The following SACS variants were observed in gnomAD, a reference collection of about 807,000 sequenced individuals.
The protein encoded by SACS is sacsin.
SACS carries 197 observed loss-of-function variants against 348.0 expected under a neutral mutation model. The observed-to-expected ratio is 0.57, with a 90% CI of 0.50 to 0.64. The LOEUF is 0.64. Among genes scored for constraint, SACS ranks in the 30% least tolerant of loss-of-function variants. The pLI, the probability that SACS is intolerant of heterozygous loss-of-function variation, is 0.00. For synonymous variants in SACS, 1,985 were observed against 1,910.6 expected, an observed-to-expected ratio of 1.04 and a Z score of -1.02; for missense variants, 4,999 against 5,360.8, an observed-to-expected ratio of 0.93 and a Z score of 2.11.
Position 23,429,345 on chromosome 13 carries a change from A to ATTTTTTT in SACS, c.-502+4263_-502+4269dup, listed in dbSNP as rs536939164. Among the ~76,000 whole-genome samples, 258 of 51,480 alleles carry ATTTTTTT rather than the reference A, an allele frequency of 5.0e-3. 63 individuals carry two copies. The highest frequency in any genetic ancestry group is 6.7e-3 in the Non-Finnish European group (192 of 28,796). The allele number at this position is 51,480 out of a possible 152,430, so 33.8% of individuals were successfully genotyped here. On this transcript the variant is annotated intron_variant, in intron 1 of 9. Transcript: ENST00000382292. ...CTGTGATTCAGTCGTTGAGGTAGGG[A>ATTTTTTT]TTTTTTTTTTTTTTTTTTTTTTTTT...
Position 23,354,663 on chromosome 13 carries a change from A to T in SACS, c.1949T>A (p.Leu650His). Reference sequence around the variant, plus strand: ...TTGGTCAGAAAGCACAAATTCTAGAAGGTGAAGCTTTTCTTCAGCACAGCC... The same window carrying T: ...TTGGTCAGAAAGCACAAATTCTAGATGGTGAAGCTTTTCTTCAGCACAGCC... Reference protein sequence around the residue: ...HLGCAEEKLHLLEFVLSDQAY... With the variant: ...HLGCAEEKLHHLEFVLSDQAY... Residue 650 changes from leucine (L) to histidine (H), a missense_variant, in exon 8 of 10, where the codon CTT (leucine) becomes CAT (histidine). By Grantham distance (99) the Leu-to-His change is moderately conservative. This residue lies in a region of SACS where 3,156 missense variants were observed against 3,380.1 expected (regional missense o/e 0.93). Transcript: ENST00000382292. The T allele has an allele frequency of 6.2e-7, 1 of 1,614,220 alleles. No homozygotes were observed. The highest frequency in any genetic ancestry group is 8.5e-7 in the Non-Finnish European group (1 of 1,180,036).
chr13:23,387,185 C>T (rs967666948), intron 2 of SACS, among the ~76,000 whole-genome samples: 17 of 151,944 alleles, frequency 1.1e-4, no homozygotes, highest in African/African-American at 3.6e-4. Flanking sequence ...GTCGGCCGGG[C>T]GCGGTGGCTC....
At chr13:23,381,121 G>C (rs370976570) in intron 2 of SACS, among the ~76,000 whole-genome samples, 7 of 152,160 alleles carry the variant, frequency 4.6e-5, no homozygotes, top group African/African-American at 1.7e-4. Flanking sequence ...AAAGTTCTTT[G>C]CAAATGCAAG....
Position 23,331,969 on chromosome 13 carries a change from A to T in SACS, c.11907T>A (p.Leu3969=), listed in dbSNP as rs1883506769. 1.2e-6 allele frequency: 2 copies of T among 1,613,972 alleles called. No homozygotes were observed. The highest frequency in any genetic ancestry group is 1.7e-6 in the Non-Finnish European group (2 of 1,179,972). The change falls in exon 10 of 10, where the codon CTT becomes CTA. Residue 3969 remains leucine, a synonymous_variant. Transcript: ENST00000382292. ...GTATACTGCTCAATAATCGAGGTCT[A>T]AGTTTTTGAGGAAAGAGCATTATCA... The part of the protein sequence containing the change: ...TKLIMLFPQK[L]RPRLLSSILE...
intron 1 of SACS, among the ~76,000 whole-genome samples, chr13:23,415,651 C>A (rs889758783): frequency 1.3e-5 from 2 of 152,138 alleles, no homozygotes; most frequent in African/African-American, 4.8e-5. Flanking sequence ...TGATCTTTGG[C>A]CTACTTGTGC....
At position 23,335,686 on chromosome 13, in the gene SACS, C is replaced by T. The variant is rs1593126657; in HGVS notation, c.8190G>A (p.Leu2730=). Residue 2730 remains leucine, a synonymous_variant, in exon 10 of 10, where the codon CTG becomes CTA. Transcript: ENST00000382292. This position sits in a 1 kb window ranked among gnomAD's most constrained non-coding sequence, Gnocchi z 4.7. The part of the protein sequence containing the change: ...DRMVQNLLDK[L]RSDGAELLMF... Reference sequence around the variant, plus strand: ...TTAGAAGTTCTGCCCCATCTGAGCGCAGTTTGTCCAAAAGATTCTGGACCA... The same window carrying T: ...TTAGAAGTTCTGCCCCATCTGAGCGTAGTTTGTCCAAAAGATTCTGGACCA... 3 of 1,613,996 alleles carry T rather than the reference C, an allele frequency of 1.9e-6. No individual in the cohort carries two copies. The highest frequency in any genetic ancestry group is 1.1e-5 in the South Asian group (1 of 91,074).
chr13:23,371,182 G>A lies in SACS; in HGVS notation c.172-17C>T. 1 of 1,522,812 alleles carries A rather than the reference G, an allele frequency of 6.6e-7. No individual in the cohort carries two copies. The highest frequency in any genetic ancestry group is 9.1e-7 in the Non-Finnish European group (1 of 1,100,062). 94.3% of individuals were successfully genotyped at this position (1,522,812 alleles called of 1,614,324 possible). On this transcript the variant is annotated splice_polypyrimidine_tract_variant and intron_variant, in intron 3 of 9. Coordinates refer to ENST00000382292, the MANE Select transcript of SACS (RefSeq NM_014363.6). ...GTCAGATAACTGAAAAAAAGCAAAA[G>A]AAAATGTATGAAAAGCAATACAGTC...
At chr13:23,429,345 ATTTTTTTTTTTTT>A (rs536939164) in intron 1 of SACS, among the ~76,000 whole-genome samples, 179 of 51,470 alleles carry the variant, frequency 3.5e-3, no homozygotes, top group South Asian at 7.6e-3. Flanking sequence ...TGAGGTAGGG[ATTTTTTTTTTTTT>A]TTTTTTTTTT....
At chr13:23,365,121 T>G (rs1324409085) in intron 6 of SACS, 45 bp downstream of exon 6, 3 of 1,224,044 alleles carry the variant, frequency 2.5e-6, no homozygotes, top group African/African-American at 1.5e-5. Context: ...AAAAACTGCC[T>G]GTTAGTGCAT....
At position 23,392,604 on chromosome 13, in the gene SACS, T is replaced by A. The variant is rs78690040; in HGVS notation, c.21-17335A>T. Among the ~76,000 whole-genome samples, 1,194 of 152,302 alleles carry A rather than the reference T, an allele frequency of 7.8e-3. 19 individuals carry two copies. Among genetic ancestry groups the A allele is most frequent in the African/African-American group, 0.028 (1,145 of 41,538 alleles). Reference sequence around the variant, plus strand: ...TGTTCTACATGCAAAATCCCTAACATTATTTCCTCATGATATGAAAAAAGT... The same window carrying A: ...TGTTCTACATGCAAAATCCCTAACAATATTTCCTCATGATATGAAAAAAGT... On this transcript the variant is annotated intron_variant, in intron 2 of 9. Coordinates refer to ENST00000382292, the MANE Select transcript of SACS (RefSeq NM_014363.6).
chr13:23,431,027 T>C (rs1874414310), intron 1 of SACS, among the ~76,000 whole-genome samples: 2 of 152,218 alleles, frequency 1.3e-5, no homozygotes, highest in Admixed American at 1.3e-4. Context: ...TCTCTCCTTT[T>C]ACTAATAAGA....
At chr13:23,357,543 T>G (rs115974571) in intron 7 of SACS, among the ~76,000 whole-genome samples, 2,462 of 152,292 alleles carry the variant, frequency 0.016, 62 homozygotes, top group African/African-American at 0.056. Flanking sequence ...TGTCCCAGTA[T>G]GAATAATAAA....
chr13:23,365,754 C>T (rs1206949896), intron 5 of SACS, among the ~76,000 whole-genome samples: 1 of 152,046 alleles, frequency 6.6e-6, no homozygotes, highest in Non-Finnish European at 1.5e-5. Context: ...CTATATATAC[C>T]CTTCAATTGG....
intron 5 of SACS, among the ~76,000 whole-genome samples, chr13:23,366,409 C>A (rs1056566162): frequency 6.7e-6 from 1 of 149,890 alleles, no homozygotes. Context: ...TCATTATCAG[C>A]TAGTGATTCT....
At position 23,336,698 on chromosome 13, in the gene SACS, T is replaced by C. The variant is rs1566064821; in HGVS notation, c.7178A>G (p.Gln2393Arg). 3.7e-6 allele frequency: 6 copies of C among 1,613,928 alleles called. No homozygotes were observed. The African/African-American group carries it at 8.0e-5, about 22-fold the overall frequency. The change falls in exon 10 of 10, where the codon CAG becomes CGG. Residue 2393 changes from glutamine to arginine, a missense_variant. By Grantham distance (43) the Gln-to-Arg change is conservative. Coordinates refer to ENST00000382292, the MANE Select transcript of SACS (RefSeq NM_014363.6). ...AGCAAAATCTTCAACAGTGCATGAC[T>C]GCCTCACACCCACGGTTTCAAAAAG... is the stretch of plus-strand genomic sequence containing the variant. ...RELFETVGVR[Q>R]SCTVEDFALV...
In SACS at chr13:23,346,536, T is replaced by C. The variant is rs560100516; in HGVS notation, c.2186-4846A>G. ...TCCCATTAAATACCACAGCTTAAAATACAGATTCCCACACCATTCTTTGAT... is the reference window on the plus strand; with the variant it reads ...TCCCATTAAATACCACAGCTTAAAACACAGATTCCCACACCATTCTTTGAT... On this transcript the variant is annotated intron_variant, in intron 9 of 9. Transcript: ENST00000382292. 2.6e-5 allele frequency among the ~76,000 whole-genome samples: 4 copies of C among 152,328 alleles called. No homozygotes were observed. The East Asian group carries it at 7.7e-4, about 29-fold the overall frequency.
At chr13:23,364,134 T>C (rs1027121463) in intron 6 of SACS, among the ~76,000 whole-genome samples, 3 of 152,206 alleles carry the variant, frequency 2.0e-5, no homozygotes, top group Non-Finnish European at 4.4e-5. Context: ...GAGCTAAGAA[T>C]GACTATATGA....
In SACS at chr13:23,331,343, G is replaced by T. The variant is rs376168781; in HGVS notation, c.12533C>A (p.Pro4178Gln). Residue 4178 changes from proline to glutamine, a missense_variant, in exon 10 of 10, where the codon CCG becomes CAG. Physicochemically the swap from Pro to Gln is moderately conservative, Grantham distance 76. Coordinates refer to ENST00000382292, the MANE Select transcript of SACS (RefSeq NM_014363.6). ...AACAAGGTACCCAACATATTCTCCC[G>T]GGTAAAAAACATTCATTGGGTCCAT... ...LLMDPMNVFYPGEYVGYLVDA... is the reference protein window; with the variant it reads ...LLMDPMNVFYQGEYVGYLVDA... 21 of 1,613,720 alleles carry T rather than the reference G, an allele frequency of 1.3e-5. No individual in the cohort carries two copies. Among genetic ancestry groups the T allele is most frequent in the Non-Finnish European group, 1.4e-5 (16 of 1,179,946 alleles).
At chr13:23,346,716 T>C (rs1454277928) in intron 9 of SACS, 1 of 456,842 alleles carries the variant, frequency 2.2e-6, no homozygotes, top group African/African-American at 2.1e-5. Flanking sequence ...TTGACATAAT[T>C]TCTAGCTACT....
Sources: allele counts gnomAD v4.1 joint callset (sites outside exome capture counted in the v4.1 genomes callset), GRCh38; gene constraint gnomAD v4.1.1; regional missense constraint gnomAD v4.1.1; non-coding constraint Gnocchi (gnomAD v3.1); transcripts MANE v1.5; gene names NCBI Gene and HGNC (gene_info 2026-07-23, HGNC 2026-07-21).